The following SF3B1 variants were observed in gnomAD, a reference collection of about 807,000 sequenced individuals.
SF3B1 encodes splicing factor 3b subunit 1.
Under a neutral mutation model 153.8 loss-of-function variants are expected in SF3B1, and 12 were observed. The ratio of observed to expected loss-of-function variants is 0.08; its 90% CI spans 0.05 to 0.13. The LOEUF is 0.13. Among genes scored for constraint, SF3B1 ranks in the 10% least tolerant of loss-of-function variants. SF3B1 has a pLI of 1.00. For synonymous variants in SF3B1, 498 were observed against 525.2 expected (o/e 0.95, Z 0.71); for missense variants, 513 against 1,606.1 (o/e 0.32, Z 11.63).
In SF3B1 at chr2:197,390,934, G is replaced by C. The variant is rs1042601905; in HGVS notation, c.*1369C>G. 2 of 152,134 alleles carry C rather than the reference G, an allele frequency of 1.3e-5. No individual in the cohort carries two copies. Among genetic ancestry groups the C allele is most frequent in the Non-Finnish European group, 1.5e-5 (1 of 68,044 alleles). 9.4% of individuals were successfully genotyped at this position (152,134 alleles called of 1,614,324 possible). A position where few individuals can be genotyped will look rare whatever the true frequency, so the allele number is the denominator to read the frequency against. On this transcript the variant is annotated 3_prime_UTR_variant, in exon 25 of 25. Transcript: ENST00000335508. Reference sequence around the variant, plus strand: ...TTTCTTAACTAAGCTTCTGAAGCAGGAACTCCTAAAGTGTCAATAGGCAGT... The same window carrying C: ...TTTCTTAACTAAGCTTCTGAAGCAGCAACTCCTAAAGTGTCAATAGGCAGT...
chr2:197,426,760 T>A (rs938562906), intron 1 of SF3B1, among the ~76,000 whole-genome samples: 2 of 152,082 alleles, frequency 1.3e-5, no homozygotes, highest in Non-Finnish European at 2.9e-5. Context: ...CCTAGGAAAC[T>A]ATTTTACCTG....
intron 23 of SF3B1, among the ~76,000 whole-genome samples, chr2:197,393,654 T>C (rs887952609): frequency 6.6e-6 from 1 of 151,942 alleles, no homozygotes; most frequent in Non-Finnish European, 1.5e-5. Flanking sequence ...GGTTTCACCA[T>C]GTTGGCCAGG....
chr2:197,426,862 CA>C (rs1463686425), intron 1 of SF3B1, among the ~76,000 whole-genome samples: 2 of 152,048 alleles, frequency 1.3e-5, no homozygotes, highest in African/African-American at 2.4e-5. Flanking sequence ...ACCTCATACA[CA>C]ACTAAAAAAC....
At chr2:197,421,269 G>T in intron 2 of SF3B1, 136 bp from the exon 3 acceptor site, 1 of 552,646 alleles carries the variant, frequency 1.8e-6, no homozygotes, top group South Asian at 2.4e-5. Context: ...ATAAAACTTA[G>T]AAACACAATT....
intron 6 of SF3B1, among the ~76,000 whole-genome samples, chr2:197,412,771 G>T (rs2105999838): frequency 6.6e-6 from 1 of 151,256 alleles, no homozygotes; most frequent in South Asian, 2.1e-4. Flanking sequence ...GGTCACCTGA[G>T]GTTGGGAGTT....
intron 1 of SF3B1, among the ~76,000 whole-genome samples, chr2:197,426,318 G>A (rs1295450697): frequency 4.0e-5 from 6 of 151,596 alleles, no homozygotes; most frequent in East Asian, 1.9e-4. Context: ...TTTTTGAGGC[G>A]GAGTTTTGCT....
In SF3B1 at chr2:197,409,960, A is replaced by G. The variant is rs1246825681; in HGVS notation, c.714T>C (p.Arg238=). 1 of 1,614,182 alleles carries G rather than the reference A, an allele frequency of 6.2e-7. No homozygotes were observed. The highest frequency in any genetic ancestry group is 1.1e-5 in the South Asian group (1 of 91,086). ...CTCCAGGAGTCTCGCTTCCCTTTGCACGACCTGGTGTCTCATCCCATCTTA... is the reference window on the plus strand; with the variant it reads ...CTCCAGGAGTCTCGCTTCCCTTTGCGCGACCTGGTGTCTCATCCCATCTTA... The part of the protein sequence containing the change: ...PSLRWDETPG[R]AKGSETPGAT... Residue 238 remains arginine, a synonymous_variant, in exon 7 of 25, where the codon CGT becomes CGC. Coordinates refer to ENST00000335508, the MANE Select transcript of SF3B1 (RefSeq NM_012433.4).
chr2:197,391,580 T>A lies in SF3B1; in HGVS notation c.*723A>T, dbSNP rs1278210537. 1 of 152,266 alleles carries A rather than the reference T, an allele frequency of 6.6e-6. No homozygotes were observed. Among genetic ancestry groups the A allele is most frequent in the Non-Finnish European group, 1.5e-5 (1 of 68,052 alleles). 9.4% of individuals were successfully genotyped at this position (152,266 alleles called of 1,614,324 possible). A position where few individuals can be genotyped will look rare whatever the true frequency, so the allele number is the denominator to read the frequency against. ...TTGAAGTAAAGTTAAATTCCTCACT[T>A]GCTAAACACAGCAGACCTGTCAAGT... On this transcript the variant is annotated 3_prime_UTR_variant, in exon 25 of 25. Coordinates refer to ENST00000335508, the MANE Select transcript of SF3B1 (RefSeq NM_012433.4).
intron 4 of SF3B1, chr2:197,420,142 T>C (rs1255688944): frequency 5.7e-6 from 2 of 351,728 alleles, no homozygotes; most frequent in Admixed American, 9.3e-5. Context: ...GATCCAAGTA[T>C]AGAAAGCGTA....
chr2:197,420,664 AC>A (rs2085225851), intron 3 of SF3B1, 122 bp from the exon 4 acceptor site: 1 of 596,186 alleles, frequency 1.7e-6, no homozygotes, highest in African/African-American at 1.9e-5. Context: ...AATATTCTGT[AC>A]CGTTTCACAG....
chr2:197,418,492 G>T lies in SF3B1; in HGVS notation c.495+17C>A. On this transcript the variant is annotated intron_variant, in intron 5 of 24. Coordinates refer to ENST00000335508, the MANE Select transcript of SF3B1 (RefSeq NM_012433.4). ...TATTCTTTCACAACCATTAAAACAG[G>T]AGACAGGTTTACATACTTCTTCTTT... The T allele has an allele frequency of 1.3e-6, 2 of 1,567,316 alleles. No individual in the cohort carries two copies. The highest frequency in any genetic ancestry group is 1.8e-6 in the Non-Finnish European group (2 of 1,141,936).
rs2085285448 is a variant in SF3B1, at chr2:197,423,675, T to TCC, written c.195+131_195+132dup. 76 of 748,472 alleles carry TCC rather than the reference T, an allele frequency of 1.0e-4. 2 individuals carry two copies. The South Asian group carries it at 1.4e-3, about 14-fold the overall frequency. The allele number at this position is 748,472 out of a possible 1,614,324, so 46.4% of individuals were successfully genotyped here. A position where few individuals can be genotyped will look rare whatever the true frequency, so the allele number is the denominator to read the frequency against. ...GTTTCTGAACCTTAGAGAGGATACC[T>TCC]CCAGTAGTTTTATCCTCTAAAAGAT... is the stretch of plus-strand genomic sequence containing the variant. On this transcript the variant is annotated intron_variant, in intron 2 of 24. Coordinates refer to ENST00000335508, the MANE Select transcript of SF3B1 (RefSeq NM_012433.4).
At chr2:197,422,945 C>T (rs1292170707) in intron 2 of SF3B1, among the ~76,000 whole-genome samples, 1 of 151,602 alleles carries the variant, frequency 6.6e-6, no homozygotes, top group Non-Finnish European at 1.5e-5. Flanking sequence ...AACTGAATCA[C>T]CAAATTTGGA....
In SF3B1 at chr2:197,400,220, G is replaced by A. The variant is rs2105981547; in HGVS notation, c.2901+32C>T. ...TTACTATTTACATTAAACTATTTGG[G>A]GAAGAAGTAAGAATTTGATGCAAAA... On this transcript the variant is annotated intron_variant, in intron 19 of 24. Coordinates refer to ENST00000335508, the MANE Select transcript of SF3B1 (RefSeq NM_012433.4). The surrounding 1 kb of genome is among the most constrained non-coding windows in gnomAD (Gnocchi z 5.0). The A allele has an allele frequency of 6.2e-7, 1 of 1,610,944 alleles. No individual in the cohort carries two copies. Among genetic ancestry groups the A allele is most frequent in the African/African-American group, 1.3e-5 (1 of 74,884 alleles).
At chr2:197,392,770 G>C (rs1425775546) in intron 24 of SF3B1, among the ~76,000 whole-genome samples, 1 of 152,018 alleles carries the variant, frequency 6.6e-6, no homozygotes, top group African/African-American at 2.4e-5. Flanking sequence ...GCAGTGGGGG[G>C]AAAGGGGAGG....
At position 197,401,044 on chromosome 2, in the gene SF3B1, A is replaced by T. The variant is rs1181039566; in HGVS notation, c.2497-108T>A. 5.9e-6 allele frequency: 4 copies of T among 680,902 alleles called. No individual in the cohort carries two copies. The highest frequency in any genetic ancestry group is 1.8e-5 in the African/African-American group (1 of 55,168). The allele number at this position is 680,902 out of a possible 1,614,324, so 42.2% of individuals were successfully genotyped here. A position where few individuals can be genotyped will look rare whatever the true frequency, so the allele number is the denominator to read the frequency against. On this transcript the variant is annotated intron_variant, in intron 17 of 24. Transcript: ENST00000335508. The surrounding 1 kb of genome is among the most constrained non-coding windows in gnomAD (Gnocchi z 4.2). ...AATATACTACTTATTTAGCTAATAA[A>T]CATGGTAAGAATGATTCATTGCTAC...
Position 197,398,005 on chromosome 2 carries a change from A to G in SF3B1, c.3246T>C (p.Gly1082=). ...AIRRATVNTF[G]YIAKAIGPHD... ...CTCACCCAATGGCCTTTGCAATATA[A>G]CCAAATGTGTTGACTGTGGCTCTAC... Residue 1082 remains glycine, a synonymous_variant, in exon 22 of 25, where the codon GGT becomes GGC. Transcript: ENST00000335508. 1.2e-6 allele frequency: 2 copies of G among 1,613,568 alleles called. No homozygotes were observed. The highest frequency in any genetic ancestry group is 1.7e-6 in the Non-Finnish European group (2 of 1,179,616).
intron 6 of SF3B1, 180 bp downstream of exon 6, chr2:197,416,561 C>G (rs985565954): frequency 1.8e-6 from 1 of 549,906 alleles, no homozygotes; most frequent in Non-Finnish European, 3.2e-6. Flanking sequence ...TCAACAAACA[C>G]CAACCCTGTT....
Position 197,435,004 on chromosome 2 carries a change from T to G in SF3B1, c.-5A>C. ...AGTCTTGGCGATCTTCGCCATTTTGTCCACTCGAACACACAGACGGAACTG... is the reference window on the plus strand; with the variant it reads ...AGTCTTGGCGATCTTCGCCATTTTGGCCACTCGAACACACAGACGGAACTG... On this transcript the variant is annotated 5_prime_UTR_variant, in exon 1 of 25. Coordinates refer to ENST00000335508, the MANE Select transcript of SF3B1 (RefSeq NM_012433.4). 1 of 1,614,270 alleles carries G rather than the reference T, an allele frequency of 6.2e-7. No homozygotes were observed. Among genetic ancestry groups the G allele is most frequent in the Non-Finnish European group, 8.5e-7 (1 of 1,180,038 alleles).
Sources: allele counts gnomAD v4.1 joint callset (sites outside exome capture counted in the v4.1 genomes callset), GRCh38; gene constraint gnomAD v4.1.1; non-coding constraint Gnocchi (gnomAD v3.1); transcripts MANE v1.5; gene names NCBI Gene and HGNC (gene_info 2026-07-23, HGNC 2026-07-21).